The following LRP1 variants were observed in gnomAD, a reference collection of about 807,000 sequenced individuals.
LRP1 encodes prolow-density lipoprotein receptor-related protein 1.
A neutral mutation model predicts 541.5 loss-of-function variants in LRP1; 51 were observed. The ratio of observed to expected loss-of-function variants is 0.09; its 90% confidence interval spans 0.08 to 0.12. The LOEUF (loss-of-function observed/expected upper bound fraction) is 0.12, where lower values mean the gene tolerates loss of function less well. LRP1 is among the 10% of genes least tolerant of loss of function. The probability of loss-of-function intolerance (pLI) is 1.00; values close to 1 mark genes in which losing one functional copy is unlikely to be tolerated. For missense variants in LRP1, 3,878 were observed against 6,376.2 expected (o/e 0.61, Z 13.34); for synonymous variants, 2,219 against 2,470.8 (o/e 0.90, Z 3.02).
chr12:57,162,882 A>G lies in LRP1; in HGVS notation c.2429A>G (p.Asn810Ser). Residue 810 changes from asparagine to serine, a missense_variant, in exon 15 of 89, where the codon AAC (asparagine) becomes AGC (serine). By Grantham distance (46) the Asn-to-Ser change is conservative. Coordinates refer to ENST00000243077, the MANE Select transcript of LRP1 (RefSeq NM_002332.3). This position sits in a 1 kb window ranked among gnomAD's most constrained non-coding sequence, Gnocchi z 5.2. ...GTTGGCACCAACAAATGCCGGGTGA[A>G]CAATGGCGGCTGCAGCAGCCTGTGC... ...QQVGTNKCRVNNGGCSSLCLA... is the reference protein window; with the variant it reads ...QQVGTNKCRVSNGGCSSLCLA... 1 of 1,608,530 alleles carries G rather than the reference A, an allele frequency of 6.2e-7. No individual in the cohort carries two copies.
At position 57,175,635 on chromosome 12, in the gene LRP1, G is replaced by A. The variant is rs1209913531; in HGVS notation, c.3723G>A (p.Lys1241=). The A allele has an allele frequency of 1.9e-6, 3 of 1,610,230 alleles. No homozygotes were observed. Among genetic ancestry groups the A allele is most frequent in the African/African-American group, 2.7e-5 (2 of 74,902 alleles). Residue 1241 remains lysine (K), a synonymous_variant, in exon 23 of 89, where the codon AAG becomes AAA. Coordinates refer to ENST00000243077, the MANE Select transcript of LRP1 (RefSeq NM_002332.3). The part of the protein sequence containing the change: ...LKCSQKCDQN[K]FSVKCSCYEG... ...GCAGCCAAAAGTGCGACCAGAACAA[G>A]TTCAGCGTGAAGTGCTCCTGCTACG...
rs894034752 is a variant in LRP1, at chr12:57,157,042, G to A, written c.1561+122G>A. On this transcript the variant is annotated intron_variant, in intron 10 of 88. Transcript: ENST00000243077. ...GGAGATGAAGGAAGTGTCCCAGAGT[G>A]TACCTGCTAGTGAGGGCAGAGATGG... is the stretch of plus-strand genomic sequence containing the variant. 3.3e-5 allele frequency: 40 copies of A among 1,216,780 alleles called. No individual in the cohort carries two copies. The African/African-American group carries it at 5.6e-4, about 17-fold the overall frequency. 75.4% of individuals were successfully genotyped at this position (1,216,780 alleles called of 1,614,324 possible).
chr12:57,210,109 G>A lies in LRP1; in HGVS notation c.12520G>A (p.Gly4174Arg). 6.2e-6 allele frequency: 10 copies of A among 1,613,562 alleles called. No individual in the cohort carries two copies. The highest frequency in any genetic ancestry group is 7.6e-6 in the Non-Finnish European group (9 of 1,179,800). Reference protein sequence around the residue: ...PSGPVCTCPNGKRLDNGTCVP... With the variant: ...PSGPVCTCPNRKRLDNGTCVP... Reference sequence around the variant, plus strand: ...TGGGCCTGTCTGCACCTGTCCCAATGGGAAGCGGCTGGACAACGGCACATG... The same window carrying A: ...TGGGCCTGTCTGCACCTGTCCCAATAGGAAGCGGCTGGACAACGGCACATG... Residue 4174 changes from glycine to arginine, a missense_variant, in exon 81 of 89, where the codon GGG becomes AGG. This residue lies in a region of LRP1 where 871 missense variants were observed against 1,212.4 expected (regional missense o/e 0.72). Coordinates refer to ENST00000243077, the MANE Select transcript of LRP1 (RefSeq NM_002332.3).
intron 32 of LRP1, 89 bp from the exon 33 acceptor site, chr12:57,180,578 G>C: frequency 8.1e-6 from 13 of 1,607,494 alleles, no homozygotes; most frequent in Non-Finnish European, 1.1e-5. Context: ...ACCATGTGGG[G>C]CGGGCCTGAT....
At chr12:57,159,677 C>G in intron 11 of LRP1, 148 bp from the exon 12 acceptor site, 1 of 667,934 alleles carries the variant, frequency 1.5e-6, no homozygotes, top group Non-Finnish European at 2.6e-6. Flanking sequence ...TGTCCCTACC[C>G]CCACCCATCT....
chr12:57,176,680 G>C lies in LRP1; in HGVS notation c.3992-361G>C, dbSNP rs140440737. Reference sequence around the variant, plus strand: ...CATTACAAATGTCCATCAACGAGGGGGGAGGCTAAGTAAACTGTGATGATA... The same window carrying C: ...CATTACAAATGTCCATCAACGAGGGCGGAGGCTAAGTAAACTGTGATGATA... On this transcript the variant is annotated intron_variant, in intron 24 of 88. Transcript: ENST00000243077. Among the ~76,000 whole-genome samples the C allele has an allele frequency of 3.5e-4, 54 of 152,292 alleles. No homozygotes were observed. In the East Asian group the frequency reaches 7.5e-3, roughly 21 times the overall value.
Position 57,191,301 on chromosome 12 carries a change from G to A in LRP1, c.7237-19G>A, listed in dbSNP as rs750843812. 42 of 1,581,892 alleles carry A rather than the reference G, an allele frequency of 2.7e-5. No homozygotes were observed. The highest frequency in any genetic ancestry group is 3.5e-5 in the Non-Finnish European group (41 of 1,157,858). Reference sequence around the variant, plus strand: ...GAGGCCTGAGCGATGCTGTGACGGTGATGGTGCTGTCTCCACAGGTGATCC... The same window carrying A: ...GAGGCCTGAGCGATGCTGTGACGGTAATGGTGCTGTCTCCACAGGTGATCC... On this transcript the variant is annotated intron_variant, in intron 43 of 88. Coordinates refer to ENST00000243077, the MANE Select transcript of LRP1 (RefSeq NM_002332.3).
Position 57,162,602 on chromosome 12 carries a change from A to G in LRP1, c.2404+84A>G. On this transcript the variant is annotated intron_variant, in intron 14 of 88. Coordinates refer to ENST00000243077, the MANE Select transcript of LRP1 (RefSeq NM_002332.3). The surrounding 1 kb of genome is among the most constrained non-coding windows in gnomAD (Gnocchi z 5.2). ...TTGATTTGAGACTTCCCTGGGAGTG[A>G]AGGCACTTCCCAGGGATCCTAGGCT... 7 of 1,471,762 alleles carry G rather than the reference A, an allele frequency of 4.8e-6. No homozygotes were observed. Among genetic ancestry groups the G allele is most frequent in the Non-Finnish European group, 6.6e-6 (7 of 1,066,400 alleles). The allele number at this position is 1,471,762 out of a possible 1,614,324, so 91.2% of individuals were successfully genotyped here.
chr12:57,175,746 G>C (rs201813585), intron 23 of LRP1, 41 bp downstream of exon 23: 12 of 1,548,778 alleles, frequency 7.7e-6, no homozygotes, highest in Non-Finnish European at 9.6e-6. Context: ...GCCGAGGCAG[G>C]CCTCTGAGCT....
chr12:57,151,603 A>G (rs909384658), intron 6 of LRP1, among the ~76,000 whole-genome samples: 2 of 152,262 alleles, frequency 1.3e-5, no homozygotes, highest in South Asian at 2.1e-4. Flanking sequence ...CAGAATGCTC[A>G]GGATCTCTGG....
At chr12:57,193,445 G>A in intron 46 of LRP1, 121 bp from the exon 47 acceptor site, 1 of 1,510,540 alleles carries the variant, frequency 6.6e-7, no homozygotes, top group Non-Finnish European at 9.0e-7. Context: ...CAGAACCACT[G>A]TTAGCCTGGA....
chr12:57,177,699 T>C lies in LRP1; in HGVS notation c.4361+108T>C. On this transcript the variant is annotated intron_variant, in intron 26 of 88. Coordinates refer to ENST00000243077, the MANE Select transcript of LRP1 (RefSeq NM_002332.3). The surrounding 1 kb of genome is among the most constrained non-coding windows in gnomAD (Gnocchi z 6.8). ...TGAGAAGGACCAAGGGATCTAGAACTAGGAACGGTGGCAAAGGACTGGGCA... is the reference window on the plus strand; with the variant it reads ...TGAGAAGGACCAAGGGATCTAGAACCAGGAACGGTGGCAAAGGACTGGGCA... The C allele has an allele frequency of 3.0e-6, 4 of 1,318,052 alleles. No individual in the cohort carries two copies. The highest frequency in any genetic ancestry group is 1.4e-5 in the South Asian group (1 of 72,880). The allele number at this position is 1,318,052 out of a possible 1,614,324, so 81.6% of individuals were successfully genotyped here. A position where few individuals can be genotyped will look rare whatever the true frequency, so the allele number is the denominator to read the frequency against.
At chr12:57,167,812 G>A (rs1037035693) in intron 19 of LRP1, among the ~76,000 whole-genome samples, 3 of 152,244 alleles carry the variant, frequency 2.0e-5, no homozygotes, top group African/African-American at 7.2e-5. Context: ...AGTGAGATGG[G>A]CCAGAGAGGC....
At chr12:57,176,854 AC>A in intron 24 of LRP1, among the ~76,000 whole-genome samples, 186 bp from the exon 25 acceptor site, 1 of 150,674 alleles carries the variant, frequency 6.6e-6, no homozygotes, top group Admixed American at 6.6e-5. Flanking sequence ...GTGACAGAAG[AC>A]CCTGTCTCAA....
chr12:57,155,604 C>A (rs2035602546), intron 8 of LRP1: 1 of 154,164 alleles, frequency 6.5e-6, no homozygotes, highest in Admixed American at 6.4e-5. Flanking sequence ...AAGCAAAAAT[C>A]TTCAGAATAG....
At position 57,179,695 on chromosome 12, in the gene LRP1, C is replaced by A; in HGVS notation, c.4967-87C>A. On this transcript the variant is annotated intron_variant, in intron 29 of 88. Transcript: ENST00000243077. This position sits in a 1 kb window ranked among gnomAD's most constrained non-coding sequence, Gnocchi z 6.8. ...CAGTGCTCCAGCCTGGTTTCCTGAT[C>A]CCTTTTCTCCAGAAGGCACACTGGC... is the stretch of plus-strand genomic sequence containing the variant. 1 of 1,442,004 alleles carries A rather than the reference C, an allele frequency of 6.9e-7. No homozygotes were observed. The highest frequency in any genetic ancestry group is 9.6e-7 in the Non-Finnish European group (1 of 1,040,026). The allele number at this position is 1,442,004 out of a possible 1,614,324, so 89.3% of individuals were successfully genotyped here.
At position 57,128,901 on chromosome 12, in the gene LRP1, G is replaced by T; in HGVS notation, c.-64G>T. ...GAAAAGGGGGACCCCCCAACTGGGG[G>T]GGGTGAAGGAGAGAAGTAGCAGGAC... On this transcript the variant is annotated 5_prime_UTR_variant, in exon 1 of 89. Transcript: ENST00000243077. The T allele has an allele frequency of 1.4e-6, 2 of 1,416,508 alleles. No individual in the cohort carries two copies. Among genetic ancestry groups the T allele is most frequent in the Admixed American group, 2.2e-5 (1 of 46,498 alleles). The allele number at this position is 1,416,508 out of a possible 1,614,324, so 87.7% of individuals were successfully genotyped here. A position where few individuals can be genotyped will look rare whatever the true frequency, so the allele number is the denominator to read the frequency against.
chr12:57,151,914 A>G lies in LRP1; in HGVS notation c.842-2294A>G, dbSNP rs928765392. On this transcript the variant is annotated intron_variant, in intron 6 of 88. Coordinates refer to ENST00000243077, the MANE Select transcript of LRP1 (RefSeq NM_002332.3). ...GGATAACAAAGGATTTTTGCTTGCA[A>G]CTAATAGTCTCCAGCTGCAAAAATA... 2.0e-5 allele frequency among the ~76,000 whole-genome samples: 3 copies of G among 152,128 alleles called. No individual in the cohort carries two copies. In the East Asian group the frequency reaches 5.8e-4, roughly 29 times the overall value.
At chr12:57,145,849 G>A (rs1043204684) in intron 6 of LRP1, among the ~76,000 whole-genome samples, 1 of 152,184 alleles carries the variant, frequency 6.6e-6, no homozygotes, top group African/African-American at 2.4e-5. Flanking sequence ...AAGAAGGAGC[G>A]GAAGCCTGAG....
Sources: allele counts gnomAD v4.1 joint callset (sites outside exome capture counted in the v4.1 genomes callset), GRCh38; gene constraint gnomAD v4.1.1; regional missense constraint gnomAD v4.1.1; non-coding constraint Gnocchi (gnomAD v3.1); transcripts MANE v1.5; gene names NCBI Gene and HGNC (gene_info 2026-07-23, HGNC 2026-07-21).